LUZP2: variants seen among roughly 807,000 people sequenced by gnomAD.
LUZP2 encodes the protein leucine zipper protein 2.
LUZP2 carries 52 observed loss-of-function variants against 51.6 expected under a neutral mutation model. The ratio of observed to expected loss-of-function variants is 1.01; its 90% CI spans 0.81 to 1.27. LUZP2 has a LOEUF of 1.27. Ranked by LOEUF, LUZP2 falls within the 50% of genes most tolerant of loss-of-function variation. The probability of loss-of-function intolerance (pLI) is 0.00; values close to 1 mark genes in which losing one functional copy is unlikely to be tolerated. For synonymous variants in LUZP2, 154 were observed against 137.3 expected (o/e 1.12, Z -0.85); for missense variants, 436 against 395.4 (o/e 1.10, Z -0.87).
chr11:24,786,299 T>C (rs1313724741), intron 5 of LUZP2: 4 of 975,538 alleles, frequency 4.1e-6, no homozygotes, highest in Non-Finnish European at 1.2e-6. Context: ...GAAAATAGTA[T>C]GTTTTATTAT....
chr11:24,851,959 G>C (rs1214944566), intron 5 of LUZP2, among the ~76,000 whole-genome samples: 1 of 152,134 alleles, frequency 6.6e-6, no homozygotes, highest in Non-Finnish European at 1.5e-5. Context: ...GGGATCAGTG[G>C]TGATATCTCC....
intron 5 of LUZP2, among the ~76,000 whole-genome samples, chr11:24,884,871 A>G (rs938904321): frequency 1.3e-5 from 2 of 152,086 alleles, no homozygotes; most frequent in African/African-American, 2.4e-5. Flanking sequence ...CAGAACATAG[A>G]AAGTCTTTAT....
chr11:24,840,750 C>T (rs1451817918), intron 5 of LUZP2, among the ~76,000 whole-genome samples: 1 of 151,894 alleles, frequency 6.6e-6, no homozygotes. Flanking sequence ...AATGGCAATA[C>T]AGAAAGCATG....
intron 9 of LUZP2, among the ~76,000 whole-genome samples, chr11:25,043,904 G>A (rs1474973611): frequency 8.4e-6 from 1 of 119,402 alleles, no homozygotes; most frequent in Non-Finnish European, 1.8e-5. Context: ...ATATATATAT[G>A]TACTCTACAT....
intron 5 of LUZP2, among the ~76,000 whole-genome samples, chr11:24,809,665 T>A (rs1849959479): frequency 6.6e-6 from 1 of 152,218 alleles, no homozygotes; most frequent in South Asian, 2.1e-4. Flanking sequence ...AAACCCTAAT[T>A]TAAAAAAATG....
intron 5 of LUZP2, among the ~76,000 whole-genome samples, chr11:24,843,555 AC>A (rs1437470562): frequency 6.6e-6 from 1 of 152,216 alleles, no homozygotes; most frequent in Non-Finnish European, 1.5e-5. Flanking sequence ...AATAATATTA[AC>A]CACAGTGGCA....
intron 5 of LUZP2, among the ~76,000 whole-genome samples, chr11:24,777,289 G>A (rs982246719): frequency 2.6e-5 from 4 of 152,124 alleles, no homozygotes; most frequent in South Asian, 2.1e-4. Flanking sequence ...CACCGCGCCC[G>A]GCCTGTAAGT....
chr11:24,889,775 C>T (rs1052076823), intron 5 of LUZP2, among the ~76,000 whole-genome samples: 6 of 152,270 alleles, frequency 3.9e-5, no homozygotes, highest in East Asian at 3.9e-4. Flanking sequence ...TTTAGCTTTA[C>T]GGAAACATTT....
intron 1 of LUZP2, among the ~76,000 whole-genome samples, chr11:24,713,619 C>A (rs992887689): frequency 2.0e-5 from 3 of 150,726 alleles, no homozygotes; most frequent in Admixed American, 6.6e-5. Flanking sequence ...GTGGCAAGAT[C>A]ACCTGAGGCC....
intron 5 of LUZP2, among the ~76,000 whole-genome samples, chr11:24,809,842 T>C (rs1849966116): frequency 6.6e-6 from 1 of 152,150 alleles, no homozygotes; most frequent in Non-Finnish European, 1.5e-5. Flanking sequence ...ATTATGATGA[T>C]ACAAAGGTAT....
intron 1 of LUZP2, among the ~76,000 whole-genome samples, chr11:24,570,047 T>A (rs1564997623): frequency 6.6e-6 from 1 of 152,028 alleles, no homozygotes; most frequent in Non-Finnish European, 1.5e-5. Flanking sequence ...ATCAGAAGAC[T>A]ACTACACTTC....
At chr11:25,053,867 C>T (rs904859635) in intron 10 of LUZP2, among the ~76,000 whole-genome samples, 3 of 152,122 alleles carry the variant, frequency 2.0e-5, no homozygotes, top group Admixed American at 6.5e-5. Context: ...AAAATTGGTA[C>T]ATTCTTTCCC....
intron 1 of LUZP2, among the ~76,000 whole-genome samples, chr11:24,601,285 A>C (rs543332671): frequency 1.3e-5 from 2 of 152,158 alleles, no homozygotes; most frequent in East Asian, 3.9e-4. Context: ...ATTATTGTTT[A>C]TATTTTGAGG....
chr11:24,752,612 C>G (rs1425170101), intron 4 of LUZP2, among the ~76,000 whole-genome samples: 1 of 151,930 alleles, frequency 6.6e-6, no homozygotes, highest in East Asian at 1.9e-4. Context: ...TAGTACATAA[C>G]CAAGACTATT....
chr11:24,814,970 C>G (rs1365267439), intron 5 of LUZP2, among the ~76,000 whole-genome samples: 2 of 136,454 alleles, frequency 1.5e-5, no homozygotes, highest in African/African-American at 5.6e-5. Flanking sequence ...CCAGCTTGGG[C>G]GACAGAGTGA....
In LUZP2 at chr11:24,632,242, ATATT is replaced by A. The variant is rs199669952; in HGVS notation, c.63-96922_63-96919del. The stretch of plus-strand genomic sequence containing the variant: ...ATGCCATTGTATAACTCAAAATAGA[ATATT>A]TATTCATATATTTGGGTATAATGAG... On this transcript the variant is annotated intron_variant, in intron 1 of 11. Coordinates refer to ENST00000336930, the MANE Select transcript of LUZP2 (RefSeq NM_001009909.4). Among the ~76,000 whole-genome samples the A allele has an allele frequency of 1.4e-4, 22 of 152,104 alleles. No homozygotes were observed. In the East Asian group the frequency reaches 4.2e-3, roughly 29 times the overall value.
At chr11:24,613,310 G>A (rs1283608802) in intron 1 of LUZP2, among the ~76,000 whole-genome samples, 1 of 151,576 alleles carries the variant, frequency 6.6e-6, no homozygotes, top group African/African-American at 2.4e-5. Flanking sequence ...AGGTGTGTGT[G>A]TGGATGTGCA....
intron 1 of LUZP2, among the ~76,000 whole-genome samples, chr11:24,606,214 A>T (rs1853912993): frequency 6.6e-6 from 1 of 151,912 alleles, no homozygotes; most frequent in South Asian, 2.1e-4. Flanking sequence ...TAGTGGTTCA[A>T]CTTACAATTT....
At chr11:24,602,492 A>T (rs1217311717) in intron 1 of LUZP2, among the ~76,000 whole-genome samples, 1 of 150,324 alleles carries the variant, frequency 6.7e-6, no homozygotes, top group East Asian at 2.0e-4. Context: ...TTAAAATTGG[A>T]CCTAATCTGA....
Sources: allele counts gnomAD v4.1 joint callset (sites outside exome capture counted in the v4.1 genomes callset), GRCh38; gene constraint gnomAD v4.1.1; transcripts MANE v1.5; gene names NCBI Gene and HGNC (gene_info 2026-07-23, HGNC 2026-07-21).